The following SYNE3 variants were observed in gnomAD, a reference collection of about 807,000 sequenced individuals.
SYNE3 encodes spectrin repeat containing nuclear envelope family member 3.
SYNE3 carries 100 observed loss-of-function variants against 111.2 expected under a neutral mutation model. That is an observed-to-expected ratio of 0.90 (90% CI 0.77 to 1.06). The LOEUF (loss-of-function observed/expected upper bound fraction) is 1.06. SYNE3 is among the 50% of genes least tolerant of loss of function. The pLI, the probability that SYNE3 is intolerant of heterozygous loss-of-function variation, is 0.00. For synonymous variants in SYNE3, 547 were observed against 533.9 expected (o/e 1.02, Z -0.34); for missense variants, 1,160 against 1,240.3 (o/e 0.94, Z 0.97).
intron 1 of SYNE3, among the ~76,000 whole-genome samples, chr14:95,507,442 C>A (rs1207416791): frequency 6.6e-6 from 1 of 152,200 alleles, no homozygotes; most frequent in Non-Finnish European, 1.5e-5. Context: ...ACTAACCCTG[C>A]AGCTTCCTGC....
At chr14:95,422,988 G>T (rs1203301581) in intron 17 of SYNE3, among the ~76,000 whole-genome samples, 1 of 152,190 alleles carries the variant, frequency 6.6e-6, no homozygotes, top group Non-Finnish European at 1.5e-5. Flanking sequence ...TAAGTTCTGG[G>T]CACCAGAAGC....
chr14:95,417,321 G>C lies in SYNE3; in HGVS notation c.*505C>G, dbSNP rs913978188. On this transcript the variant is annotated 3_prime_UTR_variant, in exon 18 of 18. Coordinates refer to ENST00000682763, the MANE Select transcript of SYNE3 (RefSeq NM_152592.6). ...TGTTCTCATTACGCATAAAGCAAGAGTCGCTGGGCACCAAGTGAGGGTCTA... is the reference window on the plus strand; with the variant it reads ...TGTTCTCATTACGCATAAAGCAAGACTCGCTGGGCACCAAGTGAGGGTCTA... 7 of 179,046 alleles carry C rather than the reference G, an allele frequency of 3.9e-5. No individual in the cohort carries two copies. Among genetic ancestry groups the C allele is most frequent in the African/African-American group, 1.6e-4 (7 of 42,742 alleles). 11.1% of individuals were successfully genotyped at this position (179,046 alleles called of 1,614,324 possible). A position where few individuals can be genotyped will look rare whatever the true frequency, so the allele number is the denominator to read the frequency against.
At chr14:95,428,825 C>T (rs904909090) in intron 17 of SYNE3, among the ~76,000 whole-genome samples, 1 of 152,208 alleles carries the variant, frequency 6.6e-6, no homozygotes, top group Non-Finnish European at 1.5e-5. Context: ...TCTGTTGATA[C>T]AAACAAGCAG....
intron 1 of SYNE3, among the ~76,000 whole-genome samples, chr14:95,481,174 T>C (rs991844649): frequency 6.6e-6 from 1 of 152,262 alleles, no homozygotes; most frequent in African/African-American, 2.4e-5. Flanking sequence ...ATGGAGGCAC[T>C]TGCAGTAGTG....
At chr14:95,492,627 A>T (rs1889902693) in intron 1 of SYNE3, among the ~76,000 whole-genome samples, 2 of 152,136 alleles carry the variant, frequency 1.3e-5, no homozygotes, top group Admixed American at 6.6e-5. Context: ...GAGGGTTGGG[A>T]GTTGACTGTG....
At position 95,424,717 on chromosome 14, in the gene SYNE3, C is replaced by T. The variant is rs1885339980; in HGVS notation, c.2728-6691G>A. 2.0e-5 allele frequency among the ~76,000 whole-genome samples: 3 copies of T among 152,178 alleles called. No homozygotes were observed. In the South Asian group the frequency reaches 6.2e-4, roughly 31 times the overall value. On this transcript the variant is annotated intron_variant, in intron 17 of 17. Coordinates refer to ENST00000682763, the MANE Select transcript of SYNE3 (RefSeq NM_152592.6). ...CAATCACAAGGAAACAGCAGGGAAA[C>T]CCAAACCAAGGGATATTCCACAAAC... is the stretch of plus-strand genomic sequence containing the variant.
intron 1 of SYNE3, among the ~76,000 whole-genome samples, chr14:95,491,855 T>C (rs2139571460): frequency 6.7e-6 from 1 of 148,322 alleles, no homozygotes; most frequent in South Asian, 2.1e-4. Flanking sequence ...AAATCACATA[T>C]CCGATAAGGG....
chr14:95,502,225 C>A (rs1317570864), intron 1 of SYNE3, among the ~76,000 whole-genome samples: 1 of 152,064 alleles, frequency 6.6e-6, no homozygotes, highest in East Asian at 1.9e-4. Context: ...CCCTCATATC[C>A]CCTTCCAAGA....
rs1020295939 is a variant in SYNE3 at position 95,407,993 on chromosome 14, C to T, written c.*9833G>A. The T allele has an allele frequency of 2.0e-5, 3 of 152,158 alleles. No homozygotes were observed. Among genetic ancestry groups the T allele is most frequent in the African/African-American group, 4.8e-5 (2 of 41,434 alleles). The allele number at this position is 152,158 out of a possible 1,614,324, so 9.4% of individuals were successfully genotyped here. ...ATGCAGAGGTTGGACTCAAGGCGAT[C>T]GCAGCACTCAATCTGGTGTGATCAT... On this transcript the variant is annotated 3_prime_UTR_variant, in exon 18 of 18. Coordinates refer to ENST00000682763, the MANE Select transcript of SYNE3 (RefSeq NM_152592.6).
intron 1 of SYNE3, among the ~76,000 whole-genome samples, chr14:95,499,183 C>CG (rs1467513564): frequency 6.6e-6 from 1 of 152,186 alleles, no homozygotes; most frequent in Non-Finnish European, 1.5e-5. Flanking sequence ...ATTCATTTCC[C>CG]GGGAAACCTG....
chr14:95,492,094 T>G (rs1234511791), intron 1 of SYNE3, among the ~76,000 whole-genome samples: 9 of 152,216 alleles, frequency 5.9e-5, no homozygotes, highest in Non-Finnish European at 1.3e-4. Context: ...TCACACCCAT[T>G]AGAATAGCTA....
At chr14:95,507,359 G>A (rs1890567518) in intron 1 of SYNE3, among the ~76,000 whole-genome samples, 2 of 152,242 alleles carry the variant, frequency 1.3e-5, no homozygotes, top group African/African-American at 4.8e-5. Context: ...AAGCGGAAGA[G>A]CCCAGATCCC....
At position 95,408,738 on chromosome 14, in the gene SYNE3, CTCTGTCCGCTTCCT is replaced by C; in HGVS notation, c.*9074_*9087del. On this transcript the variant is annotated 3_prime_UTR_variant, in exon 18 of 18. Coordinates refer to ENST00000682763, the MANE Select transcript of SYNE3 (RefSeq NM_152592.6). ...CCCCTTCACATGCACACACAGCTTC[CTCTGTCCGCTTCCT>C]CCTCCCCAGTAAAACTTCTGGAACA... is the stretch of plus-strand genomic sequence containing the variant. 1 of 190,492 alleles carries C rather than the reference CTCTGTCCGCTTCCT, an allele frequency of 5.2e-6. No homozygotes were observed. The highest frequency in any genetic ancestry group is 5.6e-5 in the Admixed American group (1 of 17,824). The allele number at this position is 190,492 out of a possible 1,614,324, so 11.8% of individuals were successfully genotyped here.
rs767038945 is a variant in SYNE3, at chr14:95,465,936, C to A, written c.622G>T (p.Ala208Ser). ...CCACTCAGCCTCACCCTCACCTGGG[C>A]CTTGGCCTTCACTGCATCGTACTCA... Reference protein sequence around the residue: ...KAEYDAVKAKAQKRVDLLEQV... With the variant: ...KAEYDAVKAKSQKRVDLLEQV... The change falls in exon 4 of 18, where the codon GCC (alanine) becomes TCC (serine). Residue 208 changes from alanine to serine, a missense_variant. Physicochemically the swap from Ala to Ser is moderately conservative, Grantham distance 99. Coordinates refer to ENST00000682763, the MANE Select transcript of SYNE3 (RefSeq NM_152592.6). 24 of 1,573,410 alleles carry A rather than the reference C, an allele frequency of 1.5e-5. No individual in the cohort carries two copies. Among genetic ancestry groups the A allele is most frequent in the Non-Finnish European group, 2.1e-5 (24 of 1,150,242 alleles).
intron 6 of SYNE3, among the ~76,000 whole-genome samples, chr14:95,453,575 G>T (rs1168372691): frequency 6.6e-6 from 1 of 152,226 alleles, no homozygotes; most frequent in Non-Finnish European, 1.5e-5. Context: ...ACATAATGAC[G>T]TCTATGAAAG....
At position 95,465,796 on chromosome 14, in the gene SYNE3, T is replaced by C. The variant is rs1427922257; in HGVS notation, c.627+135A>G. On this transcript the variant is annotated intron_variant, in intron 4 of 17. Coordinates refer to ENST00000682763, the MANE Select transcript of SYNE3 (RefSeq NM_152592.6). ...GTTGGATAGTGAACAGGTGAGTAGATGGATTGATAGTAGAAAGATAGATTG... is the reference window on the plus strand; with the variant it reads ...GTTGGATAGTGAACAGGTGAGTAGACGGATTGATAGTAGAAAGATAGATTG... The C allele has an allele frequency of 9.2e-6, 9 of 978,720 alleles. 1 individual carries two copies. Among genetic ancestry groups the C allele is most frequent in the Non-Finnish European group, 1.3e-5 (9 of 694,420 alleles). 60.6% of individuals were successfully genotyped at this position (978,720 alleles called of 1,614,324 possible). A position where few individuals can be genotyped will look rare whatever the true frequency, so the allele number is the denominator to read the frequency against.
chr14:95,449,432 G>A (rs767937665), intron 8 of SYNE3: 16 of 985,322 alleles, frequency 1.6e-5, no homozygotes, highest in Admixed American at 6.1e-5. Context: ...GCCAGTTGTT[G>A]TTCATGGGAG....
intron 1 of SYNE3, among the ~76,000 whole-genome samples, chr14:95,498,428 A>G (rs1890190255): frequency 6.6e-6 from 1 of 152,214 alleles, no homozygotes; most frequent in Admixed American, 6.5e-5. Flanking sequence ...CATGTTGGCC[A>G]GGCTGGTCTC....
intron 1 of SYNE3, among the ~76,000 whole-genome samples, chr14:95,494,799 G>A (rs1369600759): frequency 1.3e-5 from 2 of 152,146 alleles, no homozygotes; most frequent in Non-Finnish European, 2.9e-5. Context: ...CCTATTTATT[G>A]TAAACCTGCT....
Sources: gnomAD v4.1 joint callset for allele counts (sites outside exome capture counted in the v4.1 genomes callset) on GRCh38, gnomAD v4.1.1 for gene constraint, MANE v1.5 for transcripts, NCBI Gene and HGNC (gene_info 2026-07-23, HGNC 2026-07-21) for gene names.